Variants in UBR1 observed in about 807,000 individuals in gnomAD.
UBR1 encodes the protein E3 ubiquitin-protein ligase UBR1.
UBR1 carries 102 observed loss-of-function variants against 242.1 expected under a neutral mutation model. The ratio of observed to expected loss-of-function variants is 0.42; its 90% CI spans 0.36 to 0.50. The LOEUF is 0.50. UBR1 is among the 20% of genes least tolerant of loss of function. UBR1 has a pLI of 0.01. For missense variants in UBR1, 1,772 were observed against 2,101.8 expected, an observed-to-expected ratio of 0.84 and a Z score of 3.07; for synonymous variants, 675 against 684.8, an observed-to-expected ratio of 0.99 and a Z score of 0.22.
chr15:42,990,175 TAC>T (rs1467358545), intron 33 of UBR1, 55 bp from the exon 34 acceptor site: 3 of 1,205,508 alleles, frequency 2.5e-6, no homozygotes, highest in Non-Finnish European at 3.6e-6. Context: ...TAGTCTGACA[TAC>T]AGTTTTCTAG....
chr15:42,951,449 C>T (rs368082355), intron 45 of UBR1, among the ~76,000 whole-genome samples: 2 of 152,158 alleles, frequency 1.3e-5, no homozygotes, highest in African/African-American at 4.8e-5. Context: ...GTCTTGAACT[C>T]CTGACCTTGT....
intron 32 of UBR1, among the ~76,000 whole-genome samples, chr15:42,999,160 C>T (rs1052408831): frequency 4.6e-5 from 7 of 152,160 alleles, no homozygotes; most frequent in East Asian, 1.9e-4. Context: ...AGGCTGGTCT[C>T]GATCTCTTGA....
chr15:43,090,901 A>C (rs922793255), intron 1 of UBR1, among the ~76,000 whole-genome samples: 5 of 152,014 alleles, frequency 3.3e-5, no homozygotes, highest in African/African-American at 9.7e-5. Flanking sequence ...ATTCTACTAA[A>C]CCAAACATAA....
At chr15:42,976,657 T>C in intron 39 of UBR1, 60 bp downstream of exon 39, 1 of 1,576,308 alleles carries the variant, frequency 6.3e-7, no homozygotes, top group Non-Finnish European at 8.7e-7. Context: ...GAATAATTAA[T>C]TTTGCCAGTA....
chr15:43,043,524 C>T, intron 14 of UBR1, 129 bp from the exon 15 acceptor site: 1 of 832,472 alleles, frequency 1.2e-6, no homozygotes, highest in Non-Finnish European at 2.0e-6. Flanking sequence ...TCACTGCAGC[C>T]TCAACCTCCT....
At chr15:43,079,137 G>A (rs923081078) in intron 3 of UBR1, among the ~76,000 whole-genome samples, 6 of 151,788 alleles carry the variant, frequency 4.0e-5, no homozygotes, top group Non-Finnish European at 4.4e-5. Context: ...TGGAGTCACC[G>A]AAGAAGAAAA....
chr15:43,021,393 A>G lies in UBR1; in HGVS notation c.2840-18T>C. ...TCCCAATCCTTTTTTAAAACACAAA[A>G]TCACACATCATAAATACATAAAGTC... is the stretch of plus-strand genomic sequence containing the variant. On this transcript the variant is annotated intron_variant, in intron 26 of 46. Transcript: ENST00000290650. 6.2e-7 allele frequency: 1 copy of G among 1,608,354 alleles called. No homozygotes were observed. Among genetic ancestry groups the G allele is most frequent in the Non-Finnish European group, 8.5e-7 (1 of 1,175,010 alleles).
At position 43,048,384 on chromosome 15, in the gene UBR1, G is replaced by A; in HGVS notation, c.1539+8C>T. Reference sequence around the variant, plus strand: ...TTCTTTTACTGATGTACAGAAAAATGATCATACCTGCATACAGGTAAGAAT... The same window carrying A: ...TTCTTTTACTGATGTACAGAAAAATAATCATACCTGCATACAGGTAAGAAT... On this transcript the variant is annotated splice_region_variant and intron_variant, in intron 13 of 46. Transcript: ENST00000290650. The A allele has an allele frequency of 1.3e-6, 2 of 1,596,534 alleles. No individual in the cohort carries two copies. The highest frequency in any genetic ancestry group is 1.7e-6 in the Non-Finnish European group (2 of 1,166,496).
At chr15:43,032,956 C>T (rs1257903054) in intron 19 of UBR1, among the ~76,000 whole-genome samples, 2 of 152,080 alleles carry the variant, frequency 1.3e-5, no homozygotes, top group Non-Finnish European at 2.9e-5. Context: ...TGAGAAAGTG[C>T]CTTCAAATAG....
chr15:43,046,097 C>T (rs1468837878), intron 14 of UBR1, among the ~76,000 whole-genome samples: 4 of 152,180 alleles, frequency 2.6e-5, no homozygotes, highest in Non-Finnish European at 4.4e-5. Context: ...AGTGAAGATA[C>T]TAAATGTAGA....
chr15:43,038,095 T>C, intron 16 of UBR1, 76 bp downstream of exon 16: 9 of 1,517,484 alleles, frequency 5.9e-6, no homozygotes, highest in Non-Finnish European at 9.1e-7. Context: ...CTAAATATTA[T>C]CTCCTTCTCG....
At chr15:43,061,567 ATATATACACACACACATATATG>A (rs561740597) in intron 6 of UBR1, among the ~76,000 whole-genome samples, 30 of 152,290 alleles carry the variant, frequency 2.0e-4, no homozygotes, top group African/African-American at 7.0e-4. Context: ...ACACATATGT[ATATATACACACACACATATATG>A]TATATATACA....
rs144062661 is a variant in UBR1, at chr15:42,977,204, G to C, written c.4219-337C>G. 3.4e-3 allele frequency among the ~76,000 whole-genome samples: 523 copies of C among 152,154 alleles called. 2 individuals are homozygous for C. The highest frequency in any genetic ancestry group is 0.012 in the African/African-American group (498 of 41,516). On this transcript the variant is annotated intron_variant, in intron 38 of 46. Coordinates refer to ENST00000290650, the MANE Select transcript of UBR1 (RefSeq NM_174916.3). ...GCCCTACCCTAGTCCAACCAAATGA[G>C]AATCTCTTGGGGTAGGGCCTAGTTA...
chr15:43,023,949 C>T (rs964421435), intron 25 of UBR1, among the ~76,000 whole-genome samples: 1 of 152,160 alleles, frequency 6.6e-6, no homozygotes, highest in Non-Finnish European at 1.5e-5. Context: ...CCTAGAAACA[C>T]CTGAATGTCT....
chr15:42,948,067 G>A (rs1178085598), intron 46 of UBR1, among the ~76,000 whole-genome samples: 2 of 152,126 alleles, frequency 1.3e-5, no homozygotes, highest in African/African-American at 4.8e-5. Context: ...AAACAGCATG[G>A]TACTGGTACC....
At chr15:43,044,567 A>G (rs2033459880) in intron 14 of UBR1, among the ~76,000 whole-genome samples, 1 of 152,210 alleles carries the variant, frequency 6.6e-6, no homozygotes, top group South Asian at 2.1e-4. Context: ...CCCTCTCAGA[A>G]ATCAGCATAC....
chr15:43,055,797 C>T (rs145194711), intron 11 of UBR1, among the ~76,000 whole-genome samples: 51 of 152,196 alleles, frequency 3.4e-4, no homozygotes, highest in African/African-American at 1.2e-3. Flanking sequence ...TGCCCGTAGT[C>T]CCAGCTACTT....
At chr15:42,976,962 A>C (rs1344579227) in intron 38 of UBR1, 95 bp from the exon 39 acceptor site, 2 of 1,348,436 alleles carry the variant, frequency 1.5e-6, no homozygotes, top group Non-Finnish European at 1.0e-6. Context: ...GATGCTACAC[A>C]GTGTTTGTGT....
chr15:43,047,357 T>C (rs185326389), intron 13 of UBR1, 68 bp from the exon 14 acceptor site: 29 of 1,607,888 alleles, frequency 1.8e-5, no homozygotes, highest in Admixed American at 1.7e-4. Flanking sequence ...CTTGGCAAAA[T>C]ATAAAACTGT....
Sources: allele counts gnomAD v4.1 joint callset (sites outside exome capture counted in the v4.1 genomes callset), GRCh38; gene constraint gnomAD v4.1.1; transcripts MANE v1.5; gene names NCBI Gene and HGNC (gene_info 2026-07-23, HGNC 2026-07-21).